The following SPTAN1 variants were observed in gnomAD, a reference collection of about 807,000 sequenced individuals.
The protein encoded by SPTAN1 is spectrin alpha chain, non-erythrocytic 1.
SPTAN1 carries 61 observed loss-of-function variants against 331.3 expected under a neutral mutation model. That is an observed-to-expected ratio of 0.18 (90% CI 0.15 to 0.23). SPTAN1 has a LOEUF of 0.23. Ranked by LOEUF, SPTAN1 falls within the 10% of genes least tolerant of loss-of-function variation. SPTAN1 has a pLI of 1.00. For synonymous variants in SPTAN1, 1,153 were observed against 1,173.9 expected (o/e 0.98, Z 0.36); for missense variants, 2,043 against 3,147.9 (o/e 0.65, Z 8.40).
intron 35 of SPTAN1, 71 bp from the exon 36 acceptor site, chr9:128,609,051 G>T: frequency 6.2e-7 from 1 of 1,614,050 alleles, no homozygotes; most frequent in African/African-American, 1.3e-5. Context: ...GCCCAGGCCT[G>T]TTCTGTCTCC....
At position 128,613,545 on chromosome 9, in the gene SPTAN1, A is replaced by C. The variant is rs902703290; in HGVS notation, c.5148+60A>C. ...TGGGACACAGCTCTGCCTGACTCCT[A>C]AGGAAAACAAGCGTGTTTGAGAAAA... On this transcript the variant is annotated intron_variant, in intron 40 of 56. Coordinates refer to ENST00000372739, the MANE Select transcript of SPTAN1 (RefSeq NM_001130438.3). 5.2e-6 allele frequency: 7 copies of C among 1,354,118 alleles called. No individual in the cohort carries two copies. The African/African-American group carries it at 8.6e-5, about 17-fold the overall frequency. The allele number at this position is 1,354,118 out of a possible 1,614,324, so 83.9% of individuals were successfully genotyped here.
intron 24 of SPTAN1, among the ~76,000 whole-genome samples, chr9:128,597,841 G>C (rs2131423864): frequency 6.6e-6 from 1 of 152,106 alleles, no homozygotes; most frequent in African/African-American, 2.4e-5. Context: ...AGTAGAGACG[G>C]GGTTTCACCA....
intron 45 of SPTAN1, among the ~76,000 whole-genome samples, chr9:128,622,333 CTTG>C (rs1484332978): frequency 7.9e-6 from 1 of 127,114 alleles, no homozygotes; most frequent in African/African-American, 3.0e-5. Flanking sequence ...GAGTTTCGCT[CTTG>C]TTGCCCAGGC....
chr9:128,606,239 A>C (rs1418685053), intron 31 of SPTAN1, among the ~76,000 whole-genome samples: 1 of 146,988 alleles, frequency 6.8e-6, no homozygotes, highest in Non-Finnish European at 1.5e-5. Flanking sequence ...GTGGTGGCAC[A>C]CTGGCACACA....
intron 4 of SPTAN1, 137 bp from the exon 5 acceptor site, chr9:128,575,062 A>G: frequency 7.3e-7 from 1 of 1,369,080 alleles, no homozygotes; most frequent in Non-Finnish European, 1.0e-6. Context: ...GAGGAACTAA[A>G]ATCACAAACC....
chr9:128,578,316 G>C, intron 9 of SPTAN1, 71 bp downstream of exon 9: 2 of 1,590,770 alleles, frequency 1.3e-6, no homozygotes, highest in Non-Finnish European at 8.6e-7. Context: ...TCAGTGTTGG[G>C]TGAGGCCTAT....
At chr9:128,599,130 CA>C in intron 26 of SPTAN1, 144 bp downstream of exon 26, 1 of 853,286 alleles carries the variant, frequency 1.2e-6, no homozygotes, top group Non-Finnish European at 2.0e-6. Flanking sequence ...TGGAAAACTC[CA>C]AAAATTGATT....
chr9:128,560,303 C>T (rs550815828), intron 1 of SPTAN1, among the ~76,000 whole-genome samples: 4 of 151,806 alleles, frequency 2.6e-5, no homozygotes, highest in South Asian at 4.2e-4. Context: ...AGGCTTGTCT[C>T]GAACTCCTGA....
intron 48 of SPTAN1, 126 bp downstream of exon 48, chr9:128,626,104 T>C: frequency 4.2e-6 from 5 of 1,187,516 alleles, no homozygotes; most frequent in Non-Finnish European, 5.9e-6. Flanking sequence ...CTTTCAAACA[T>C]GGGTGTGGCT....
chr9:128,571,462 G>A (rs912464036), intron 3 of SPTAN1, among the ~76,000 whole-genome samples: 2 of 152,122 alleles, frequency 1.3e-5, no homozygotes, highest in Middle Eastern at 3.2e-3. Context: ...TTGCGTGCCT[G>A]TAATCCCAGC....
Position 128,633,436 on chromosome 9 carries a change from G to C in SPTAN1, c.*102G>C. ...CACTTTCCACTGTAACCTTAAGCCT[G>C]CTTAGCTTGGAATAAGACTTAGGAG... On this transcript the variant is annotated 3_prime_UTR_variant, in exon 57 of 57. Coordinates refer to ENST00000372739, the MANE Select transcript of SPTAN1 (RefSeq NM_001130438.3). The C allele has an allele frequency of 6.3e-7, 1 of 1,576,594 alleles. No individual in the cohort carries two copies.
intron 40 of SPTAN1, among the ~76,000 whole-genome samples, chr9:128,614,617 A>C (rs1856935163): frequency 6.6e-6 from 1 of 151,396 alleles, no homozygotes. Context: ...AAAACACAAA[A>C]ATTAATTAGC....
chr9:128,621,328 C>G (rs1857824586), intron 45 of SPTAN1, 72 bp downstream of exon 45: 1 of 1,328,154 alleles, frequency 7.5e-7, no homozygotes, highest in African/African-American at 1.4e-5. Context: ...CAGAGGTCCC[C>G]CAAAGTTCAC....
intron 2 of SPTAN1, among the ~76,000 whole-genome samples, chr9:128,567,538 C>T (rs868758988): frequency 4.6e-5 from 7 of 152,328 alleles, no homozygotes; most frequent in Non-Finnish European, 7.3e-5. Context: ...ATCCACCCAC[C>T]TTGGCCTCCC....
chr9:128,623,366 G>A (rs1858200783), intron 45 of SPTAN1, among the ~76,000 whole-genome samples: 1 of 151,862 alleles, frequency 6.6e-6, no homozygotes, highest in Non-Finnish European at 1.5e-5. Context: ...ACCCAGCCCT[G>A]TATGTGTAGT....
chr9:128,588,994 T>A, intron 21 of SPTAN1, 51 bp downstream of exon 21: 3 of 1,606,568 alleles, frequency 1.9e-6, no homozygotes, highest in Non-Finnish European at 2.5e-6. Context: ...CACCTCCACG[T>A]ATGCTCAGTT....
intron 1 of SPTAN1, among the ~76,000 whole-genome samples, chr9:128,560,874 C>T (rs868867339): frequency 4.6e-4 from 70 of 151,460 alleles, no homozygotes; most frequent in Non-Finnish European, 2.5e-4. Flanking sequence ...AAATTAGTCG[C>T]GTGTGGTGGC....
At chr9:128,568,686 G>A in intron 2 of SPTAN1, 86 bp from the exon 3 acceptor site, 1 of 1,579,134 alleles carries the variant, frequency 6.3e-7, no homozygotes, top group Non-Finnish European at 8.6e-7. Flanking sequence ...GCAGGATTGA[G>A]GAGGGGAGGA....
At chr9:128,589,290 C>CT (rs1171749676) in intron 21 of SPTAN1, among the ~76,000 whole-genome samples, 39,736 of 126,946 alleles carry the variant, frequency 0.31, 6,887 homozygotes, top group Admixed American at 0.39. Flanking sequence ...TTTTTCTTTT[C>CT]TTTTTTTTTT....
Sources: allele counts gnomAD v4.1 joint callset (sites outside exome capture counted in the v4.1 genomes callset), GRCh38; gene constraint gnomAD v4.1.1; transcripts MANE v1.5; gene names NCBI Gene and HGNC (gene_info 2026-07-23, HGNC 2026-07-21).